The following NRG1 variants were observed in gnomAD, a reference collection of about 807,000 sequenced individuals.
The protein encoded by NRG1 is neuregulin 1.
Under a neutral mutation model 63.8 loss-of-function variants are expected in NRG1, and 18 were observed. The ratio of observed to expected loss-of-function variants is 0.28; its 90% CI spans 0.19 to 0.42. The LOEUF (loss-of-function observed/expected upper bound fraction) is 0.42. Ranked by LOEUF, NRG1 falls within the 10% of genes least tolerant of loss-of-function variation. The pLI is 1.00. For missense variants in NRG1, 762 were observed against 814.7 expected (o/e 0.94, Z 0.79); for synonymous variants, 302 against 301.3 (o/e 1.00, Z -0.02).
intron 1 of NRG1, among the ~76,000 whole-genome samples, chr8:32,407,293 AT>A (rs5890646): frequency 0.67 from 54,146 of 80,780 alleles, 15,104 homozygotes; most frequent in Middle Eastern, 0.74. Flanking sequence ...ATATATATAT[AT>A]TATATATATA....
chr8:32,072,975 G>A (rs767558487), intron 1 of NRG1, among the ~76,000 whole-genome samples: 9 of 150,132 alleles, frequency 6.0e-5, no homozygotes, highest in East Asian at 6.0e-4. Flanking sequence ...AACCAGCTTC[G>A]GTCCTAAATA....
intron 11 of NRG1, chr8:32,763,202 C>CTTTTTTT: frequency 6.3e-7 from 1 of 1,587,806 alleles, no homozygotes; most frequent in Non-Finnish European, 8.6e-7. Flanking sequence ...TTACTATGCT[C>CTTTTTTT]TTTTTTTTTC....
At chr8:32,517,858 T>C (rs1461505513) in intron 1 of NRG1, among the ~76,000 whole-genome samples, 2 of 152,150 alleles carry the variant, frequency 1.3e-5, no homozygotes, top group African/African-American at 4.8e-5. Flanking sequence ...CTTAGGAAAT[T>C]GCCCCTAAGA....
chr8:31,764,272 A>G (rs765982907), intron 1 of NRG1, among the ~76,000 whole-genome samples: 5 of 152,112 alleles, frequency 3.3e-5, no homozygotes, highest in Admixed American at 2.6e-4. Context: ...CAACGGTGAT[A>G]TCTTGCAAAA....
At chr8:32,665,378 GTTAA>G (rs1184697129) in intron 5 of NRG1, among the ~76,000 whole-genome samples, 2 of 152,066 alleles carry the variant, frequency 1.3e-5, no homozygotes, top group Non-Finnish European at 2.9e-5. Flanking sequence ...AATTGTTGCT[GTTAA>G]TTTTTTCCTG....
chr8:32,346,491 C>G lies in NRG1; in HGVS notation c.38-249337C>G, dbSNP rs548866562. Among the ~76,000 whole-genome samples the G allele has an allele frequency of 2.6e-5, 4 of 151,604 alleles. No individual in the cohort carries two copies. In the South Asian group the frequency reaches 8.3e-4, roughly 32 times the overall value. On this transcript the variant is annotated intron_variant, in intron 1 of 10. Coordinates refer to the NRG1 transcript ENST00000519301. ...TCAACAGCTACATCTAGATGGTCCA[C>G]TTACTACAGCCCCAGAATGGAAATT...
intron 1 of NRG1, among the ~76,000 whole-genome samples, chr8:32,130,011 T>C (rs1834599026): frequency 6.6e-6 from 1 of 151,966 alleles, no homozygotes; most frequent in African/African-American, 2.4e-5. Context: ...TATAAGCTTC[T>C]ATCATTTAAA....
Position 31,800,837 on chromosome 8 carries a change from C to CTTTTTTT in NRG1, c.37+161421_37+161427dup, listed in dbSNP as rs5890598. On this transcript the variant is annotated intron_variant, in intron 1 of 10. Coordinates refer to the NRG1 transcript ENST00000519301. ...GATTTAGATTTCTCCAGTCTCCTTT[C>CTTTTTTT]TTTTTTTTTTTTTTTTTTTTTGAGA... 5.2e-3 allele frequency among the ~76,000 whole-genome samples: 544 copies of CTTTTTTT among 104,972 alleles called. 22 individuals carry two copies. The highest frequency in any genetic ancestry group is 0.011 in the African/African-American group (299 of 26,654). The allele number at this position is 104,972 out of a possible 152,430, so 68.9% of individuals were successfully genotyped here. A position where few individuals can be genotyped will look rare whatever the true frequency, so the allele number is the denominator to read the frequency against.
intron 1 of NRG1, among the ~76,000 whole-genome samples, chr8:32,551,559 G>A (rs1588239415): frequency 1.3e-5 from 2 of 152,130 alleles, no homozygotes; most frequent in African/African-American, 2.4e-5. Flanking sequence ...CTTTCATATG[G>A]CATGAGTGAC....
chr8:32,322,892 G>A (rs1463167470), intron 1 of NRG1, among the ~76,000 whole-genome samples: 2 of 149,202 alleles, frequency 1.3e-5, no homozygotes, highest in African/African-American at 4.9e-5. Flanking sequence ...ATAACAAAGC[G>A]GATTAATATA....
chr8:32,166,558 T>C (rs1284776671), intron 1 of NRG1, among the ~76,000 whole-genome samples: 1 of 152,178 alleles, frequency 6.6e-6, no homozygotes, highest in Non-Finnish European at 1.5e-5. Context: ...AATTGTCCAC[T>C]TACAGCAAAT....
At chr8:31,973,626 T>A (rs1807665489) in intron 1 of NRG1, among the ~76,000 whole-genome samples, 1 of 152,196 alleles carries the variant, frequency 6.6e-6, no homozygotes, top group African/African-American at 2.4e-5. Context: ...CTTTTAATCA[T>A]ACTATTCAGA....
intron 6 of NRG1, among the ~76,000 whole-genome samples, chr8:32,732,754 A>T (rs1034161662): frequency 1.3e-5 from 2 of 151,834 alleles, no homozygotes; most frequent in Non-Finnish European, 2.9e-5. Flanking sequence ...ACATTGGAAA[A>T]ATATATACAC....
At chr8:32,272,875 T>C (rs542198230) in intron 1 of NRG1, among the ~76,000 whole-genome samples, 1 of 152,298 alleles carries the variant, frequency 6.6e-6, no homozygotes, top group South Asian at 2.1e-4. Flanking sequence ...GAAACACCTA[T>C]TGGGACTTTT....
At chr8:32,505,033 A>G (rs1412494949) in intron 1 of NRG1, among the ~76,000 whole-genome samples, 1 of 152,152 alleles carries the variant, frequency 6.6e-6, no homozygotes, top group Non-Finnish European at 1.5e-5. Flanking sequence ...GGAGGAAGAG[A>G]AAGGATGTAA....
intron 1 of NRG1, among the ~76,000 whole-genome samples, chr8:31,653,281 A>G (rs1805085954): frequency 1.3e-5 from 2 of 152,022 alleles, no homozygotes; most frequent in South Asian, 2.1e-4. Context: ...TGTCTTACTT[A>G]TCTTTGTCTT....
chr8:31,937,892 C>T (rs1208674457), intron 1 of NRG1, among the ~76,000 whole-genome samples: 1 of 152,198 alleles, frequency 6.6e-6, no homozygotes, highest in Non-Finnish European at 1.5e-5. Context: ...TGAACTCAGA[C>T]ACACCTATCC....
chr8:32,251,024 A>C (rs1849040938), intron 1 of NRG1, among the ~76,000 whole-genome samples: 1 of 152,002 alleles, frequency 6.6e-6, no homozygotes, highest in Non-Finnish European at 1.5e-5. Context: ...CTTAGTTGAA[A>C]TTTACATTCT....
intron 1 of NRG1, among the ~76,000 whole-genome samples, chr8:31,910,640 G>T (rs1832863804): frequency 6.6e-6 from 1 of 152,172 alleles, no homozygotes; most frequent in Non-Finnish European, 1.5e-5. Context: ...AAAGGCTAGA[G>T]CTCAAAGGAG....
Sources: gnomAD v4.1 joint callset for allele counts (sites outside exome capture counted in the v4.1 genomes callset) on GRCh38, gnomAD v4.1.1 for gene constraint, MANE v1.5 for transcripts, NCBI Gene and HGNC (gene_info 2026-07-23, HGNC 2026-07-21) for gene names.